The following SLC29A1 variants were observed in gnomAD, a reference collection of about 807,000 sequenced individuals.
The protein encoded by SLC29A1 is solute carrier family 29 member 1 (Augustine blood group).
Under a neutral mutation model 48.3 loss-of-function variants are expected in SLC29A1, and 22 were observed. The ratio of observed to expected loss-of-function variants is 0.46; its 90% CI spans 0.33 to 0.65. SLC29A1 has a LOEUF of 0.65. SLC29A1 is among the 30% of genes least tolerant of loss of function. The pLI is 0.03. For synonymous variants in SLC29A1, 228 were observed against 231.0 expected (o/e 0.99, Z 0.12); for missense variants, 491 against 575.3 (o/e 0.85, Z 1.50).
chr6:44,229,252 T>C lies in SLC29A1; in HGVS notation c.30-138T>C, dbSNP rs1778286559. On this transcript the variant is annotated intron_variant, in intron 2 of 12. Transcript: ENST00000371755. The surrounding 1 kb of genome is among the most constrained non-coding windows in gnomAD (Gnocchi z 5.1). ...CCCCCCACACCCATAAGAGGACACA[T>C]GCAAACGGACACAAACACAGACGCC... 10 of 738,556 alleles carry C rather than the reference T, an allele frequency of 1.4e-5. No individual in the cohort carries two copies. In the East Asian group the frequency reaches 2.2e-4, roughly 16 times the overall value. 45.8% of individuals were successfully genotyped at this position (738,556 alleles called of 1,614,324 possible).
At position 44,232,189 on chromosome 6, in the gene SLC29A1, C is replaced by A; in HGVS notation, c.973+83C>A. On this transcript the variant is annotated intron_variant, in intron 10 of 12. Coordinates refer to ENST00000371755, the MANE Select transcript of SLC29A1 (RefSeq NM_001372327.1). This position sits in a 1 kb window ranked among gnomAD's most constrained non-coding sequence, Gnocchi z 4.7. ...AGTGGGGAAGGGAGGGAGCCTGGGT[C>A]ACCTTCTCCCCGTTTCCTGGGTCCA... 8.3e-7 allele frequency: 1 copy of A among 1,211,128 alleles called. No individual in the cohort carries two copies. Among genetic ancestry groups the A allele is most frequent in the Non-Finnish European group, 1.2e-6 (1 of 815,260 alleles). The allele number at this position is 1,211,128 out of a possible 1,614,324, so 75.0% of individuals were successfully genotyped here. A position where few individuals can be genotyped will look rare whatever the true frequency, so the allele number is the denominator to read the frequency against.
At chr6:44,223,437 T>G (rs1582924715), upstream of SLC29A1, 4 of 636,242 alleles carry the variant, frequency 6.3e-6, no homozygotes, top group East Asian at 1.7e-4. This position sits in a 1 kb window ranked among gnomAD's most constrained non-coding sequence, Gnocchi z 5.0. Flanking sequence ...GCGCAGGGGC[T>G]CGGGGTGGGA....
intron 7 of SLC29A1, 44 bp from the exon 8 acceptor site, chr6:44,230,767 A>G: frequency 6.3e-7 from 1 of 1,586,590 alleles, no homozygotes; most frequent in South Asian, 1.1e-5. Flanking sequence ...GATTCTGGAG[A>G]TTCTGCCTCT....
At chr6:44,227,467 G>C in intron 2 of SLC29A1, 125 bp downstream of exon 2, 1 of 817,728 alleles carries the variant, frequency 1.2e-6, no homozygotes, top group Non-Finnish European at 2.0e-6. Context: ...TATGAGTCAG[G>C]TCTGCATCAG....
chr6:44,223,219 T>C (rs959928459), upstream of SLC29A1, among the ~76,000 whole-genome samples: 1 of 151,374 alleles, frequency 6.6e-6, no homozygotes, highest in African/African-American at 2.4e-5. The surrounding 1 kb of genome is among the most constrained non-coding windows in gnomAD (Gnocchi z 5.0). Flanking sequence ...TGAGGTGGAG[T>C]GGGCCGTGGA....
At chr6:44,223,457 C>A, upstream of SLC29A1, 1 of 801,854 alleles carries the variant, frequency 1.2e-6, no homozygotes, top group Non-Finnish European at 1.5e-6. This position sits in a 1 kb window ranked among gnomAD's most constrained non-coding sequence, Gnocchi z 5.0. Context: ...AGCGGCGGAG[C>A]GCGCGGAGTC....
chr6:44,230,081 G>A (rs1174674172), intron 5 of SLC29A1, 35 bp downstream of exon 5: 5 of 1,601,124 alleles, frequency 3.1e-6, no homozygotes, highest in Non-Finnish European at 4.2e-6. Flanking sequence ...ATGGGAGGAG[G>A]CATGCCCAAC....
rs796353310 is a variant in SLC29A1 at position 44,232,623 on chromosome 6, C to T, written c.1060-184C>T. ...TGTATATACACATACCTGCCCAGAT[C>T]GAGATGTAGAATATTTCCAGCACTC... is the stretch of plus-strand genomic sequence containing the variant. On this transcript the variant is annotated intron_variant, in intron 11 of 12. Transcript: ENST00000371755. This position sits in a 1 kb window ranked among gnomAD's most constrained non-coding sequence, Gnocchi z 4.7. 3.2e-5 allele frequency: 21 copies of T among 649,336 alleles called. No individual in the cohort carries two copies. In the African/African-American group the frequency reaches 3.3e-4, roughly 10 times the overall value. The allele number at this position is 649,336 out of a possible 1,614,324, so 40.2% of individuals were successfully genotyped here.
At chr6:44,223,575 C>T, upstream of SLC29A1, 1 of 1,210,048 alleles carries the variant, frequency 8.3e-7, no homozygotes, top group South Asian at 1.4e-5. This position sits in a 1 kb window ranked among gnomAD's most constrained non-coding sequence, Gnocchi z 5.0. Flanking sequence ...GAATGTGCCC[C>T]GGCGGGAGAG....
At chr6:44,231,214 G>C (rs1778783381) in intron 8 of SLC29A1, 150 bp from the exon 9 acceptor site, 1 of 635,918 alleles carries the variant, frequency 1.6e-6, no homozygotes, top group African/African-American at 1.8e-5. Context: ...TAGGGATTTG[G>C]AGGCGAGGTC....
chr6:44,226,712 T>C (rs1391101236), intron 1 of SLC29A1: 13 of 991,282 alleles, frequency 1.3e-5, no homozygotes, highest in Non-Finnish European at 1.6e-5. Context: ...GAGACCAGAC[T>C]TGCAGAGAGG....
chr6:44,223,587 G>A (rs895531570), upstream of SLC29A1: 3 of 1,214,316 alleles, frequency 2.5e-6, no homozygotes, highest in Non-Finnish European at 2.1e-6. This position sits in a 1 kb window ranked among gnomAD's most constrained non-coding sequence, Gnocchi z 5.0. Flanking sequence ...GCGGGAGAGG[G>A]AAGCTGCAGC....
intron 9 of SLC29A1, 67 bp downstream of exon 9, chr6:44,231,528 C>A: frequency 2.0e-6 from 2 of 998,596 alleles, no homozygotes; most frequent in African/African-American, 1.6e-5. Context: ...TGCTCCCTCC[C>A]CCTGCCACCC....
intron 1 of SLC29A1, among the ~76,000 whole-genome samples, chr6:44,225,252 T>A (rs949537379): frequency 8.5e-5 from 13 of 152,144 alleles, no homozygotes; most frequent in African/African-American, 2.9e-4. Flanking sequence ...ATGCCTGTAA[T>A]CCCAGCACTT....
chr6:44,232,485 C>A lies in SLC29A1; in HGVS notation c.1059+57C>A. On this transcript the variant is annotated intron_variant, in intron 11 of 12. Coordinates refer to ENST00000371755, the MANE Select transcript of SLC29A1 (RefSeq NM_001372327.1). The surrounding 1 kb of genome is among the most constrained non-coding windows in gnomAD (Gnocchi z 4.7). ...TGGGAAGTAAGAGTCCAGCCTGGACCCAGAGAGGGAACCCAAGAAAGTATG... is the reference window on the plus strand; with the variant it reads ...TGGGAAGTAAGAGTCCAGCCTGGACACAGAGAGGGAACCCAAGAAAGTATG... 8.6e-7 allele frequency: 1 copy of A among 1,167,912 alleles called. No homozygotes were observed. Among genetic ancestry groups the A allele is most frequent in the Non-Finnish European group, 1.3e-6 (1 of 792,628 alleles). The allele number at this position is 1,167,912 out of a possible 1,614,324, so 72.3% of individuals were successfully genotyped here. A position where few individuals can be genotyped will look rare whatever the true frequency, so the allele number is the denominator to read the frequency against.
At chr6:44,226,931 A>C in intron 1 of SLC29A1, 1 of 1,073,162 alleles carries the variant, frequency 9.3e-7, no homozygotes, top group South Asian at 2.9e-5. Context: ...CCCTCCCATC[A>C]TCTTTCCTCC....
upstream of SLC29A1, among the ~76,000 whole-genome samples, chr6:44,222,157 T>C (rs1244362701): frequency 6.6e-6 from 1 of 150,816 alleles, no homozygotes; most frequent in Non-Finnish European, 1.5e-5. Flanking sequence ...TAGGGGGTTG[T>C]GGACAGACAT....
intron 1 of SLC29A1, chr6:44,225,697 CCTT>C (rs1276971682): frequency 1.3e-5 from 2 of 152,170 alleles, no homozygotes; most frequent in East Asian, 1.9e-4. Flanking sequence ...ATGGAGGAAT[CCTT>C]CTGCCTCTAT....
At position 44,233,571 on chromosome 6, in the gene SLC29A1, C is replaced by G; in HGVS notation, c.*43C>G. On this transcript the variant is annotated 3_prime_UTR_variant, in exon 13 of 13. Coordinates refer to ENST00000371755, the MANE Select transcript of SLC29A1 (RefSeq NM_001372327.1). ...GACTGCCTGCCTCCCTCCCTGTCTG[C>G]CTCCTGCCCCTTCCTTCTGCCAGGG... 6.8e-7 allele frequency: 1 copy of G among 1,466,062 alleles called. No homozygotes were observed. Among genetic ancestry groups the G allele is most frequent in the Non-Finnish European group, 9.6e-7 (1 of 1,045,230 alleles). The allele number at this position is 1,466,062 out of a possible 1,614,324, so 90.8% of individuals were successfully genotyped here.
Sources: gnomAD v4.1 joint callset for allele counts (sites outside exome capture counted in the v4.1 genomes callset) on GRCh38, gnomAD v4.1.1 for gene constraint, Gnocchi (gnomAD v3.1) non-coding constraint, MANE v1.5 for transcripts, NCBI Gene and HGNC (gene_info 2026-07-23, HGNC 2026-07-21) for gene names.